ALDH1A2: variants seen among roughly 807,000 people sequenced by gnomAD.
The protein encoded by ALDH1A2 is aldehyde dehydrogenase 1 family member A2.
ALDH1A2 carries 27 observed loss-of-function variants against 60.3 expected under a neutral mutation model. That is an observed-to-expected ratio of 0.45 (90% CI 0.33 to 0.62). The LOEUF (loss-of-function observed/expected upper bound fraction) is 0.62, where lower values mean the gene tolerates loss of function less well. Ranked by LOEUF, ALDH1A2 falls within the 20% of genes least tolerant of loss-of-function variation. The pLI is 0.02. For synonymous variants in ALDH1A2, 289 were observed against 232.4 expected, an observed-to-expected ratio of 1.24 and a Z score of -2.21; for missense variants, 581 against 643.8, an observed-to-expected ratio of 0.90 and a Z score of 1.06.
chr15:58,060,068 G>A (rs555314965), intron 1 of ALDH1A2, among the ~76,000 whole-genome samples: 31 of 152,146 alleles, frequency 2.0e-4, no homozygotes, highest in Middle Eastern at 3.4e-3. Context: ...GATTACAGGC[G>A]TGTACCACCA....
chr15:58,034,836 G>A (rs544631477), intron 1 of ALDH1A2, among the ~76,000 whole-genome samples: 77 of 151,658 alleles, frequency 5.1e-4, no homozygotes, highest in African/African-American at 1.7e-3. Context: ...TGGTTATGGT[G>A]TATAATTCTT....
chr15:57,961,516 T>G (rs1893719137), intron 10 of ALDH1A2, among the ~76,000 whole-genome samples: 1 of 152,184 alleles, frequency 6.6e-6, no homozygotes, highest in African/African-American at 2.4e-5. Context: ...CCAGCATCAC[T>G]TGATTCCACT....
chr15:57,963,797 G>A, intron 9 of ALDH1A2, 88 bp downstream of exon 9: 1 of 1,396,070 alleles, frequency 7.2e-7, no homozygotes, highest in Non-Finnish European at 1.0e-6. Flanking sequence ...AAAGGAAGAT[G>A]TCGCTTTGCT....
At chr15:58,014,959 G>C (rs1895747832) in intron 1 of ALDH1A2, among the ~76,000 whole-genome samples, 1 of 152,114 alleles carries the variant, frequency 6.6e-6, no homozygotes, top group Admixed American at 6.5e-5. Flanking sequence ...ATGAAATTGA[G>C]ATTAAAATGG....
chr15:58,034,418 T>G (rs1486288361), intron 1 of ALDH1A2, among the ~76,000 whole-genome samples: 1 of 151,676 alleles, frequency 6.6e-6, no homozygotes, highest in African/African-American at 2.4e-5. Context: ...AATTATGTTA[T>G]CTGTGAAAAA....
chr15:57,986,544 G>C (rs1206174782), intron 7 of ALDH1A2, among the ~76,000 whole-genome samples: 3 of 110,142 alleles, frequency 2.7e-5, no homozygotes, highest in Non-Finnish European at 5.1e-5. Flanking sequence ...ACAATGTCCA[G>C]TATCCTTTCA....
intron 1 of ALDH1A2, among the ~76,000 whole-genome samples, chr15:58,061,929 T>A (rs1897049713): frequency 6.6e-6 from 1 of 152,158 alleles, no homozygotes; most frequent in African/African-American, 2.4e-5. Flanking sequence ...ACAAACTTTT[T>A]AATAAGACCC....
intron 1 of ALDH1A2, among the ~76,000 whole-genome samples, chr15:58,035,059 A>T (rs1297307072): frequency 1.3e-5 from 2 of 151,638 alleles, no homozygotes; most frequent in African/African-American, 4.8e-5. Flanking sequence ...TGTTTGGTAG[A>T]AGTCACCAGT....
At position 57,963,917 on chromosome 15, in the gene ALDH1A2, G is replaced by A. The variant is rs1366807212; in HGVS notation, c.1054C>T (p.Pro352Ser). Residue 352 changes from proline to serine, a missense_variant, in exon 9 of 13, where the codon CCC becomes TCC. This residue lies in a region of ALDH1A2 where 375 missense variants were observed against 469.7 expected (regional missense o/e 0.80). Coordinates refer to ENST00000249750, the MANE Select transcript of ALDH1A2 (RefSeq NM_003888.4). ...CCCTGCTCAGTGGTGGGGTCAAAGG[G>A]ACTCCCCACTACGCGCCTCTTGGCC... is the stretch of plus-strand genomic sequence containing the variant. ...ERAKRRVVGSPFDPTTEQGPQ... is the reference protein window; with the variant it reads ...ERAKRRVVGSSFDPTTEQGPQ... 1 of 1,614,116 alleles carries A rather than the reference G, an allele frequency of 6.2e-7. No homozygotes were observed. The highest frequency in any genetic ancestry group is 1.7e-5 in the Admixed American group (1 of 60,022).
intron 7 of ALDH1A2, among the ~76,000 whole-genome samples, chr15:57,976,060 G>C (rs1894245078): frequency 6.6e-6 from 1 of 152,146 alleles, no homozygotes; most frequent in Admixed American, 6.5e-5. Context: ...CAGAAATTAT[G>C]CCATATATCT....
intron 12 of ALDH1A2, among the ~76,000 whole-genome samples, chr15:57,958,393 A>T (rs1304045035): frequency 6.6e-6 from 1 of 152,206 alleles, no homozygotes; most frequent in Non-Finnish European, 1.5e-5. Context: ...GGAGTTTGAT[A>T]AGGAAGTAAG....
At chr15:57,955,877 A>G (rs1893506996) in intron 12 of ALDH1A2, among the ~76,000 whole-genome samples, 1 of 152,136 alleles carries the variant, frequency 6.6e-6, no homozygotes, top group Admixed American at 6.5e-5. Context: ...CCTTGTTTAA[A>G]TGCCTTTTTT....
At chr15:57,965,684 G>A in intron 8 of ALDH1A2, 41 bp downstream of exon 8, 2 of 1,361,680 alleles carry the variant, frequency 1.5e-6, no homozygotes, top group African/African-American at 1.4e-5. Flanking sequence ...AGCACCAAAG[G>A]GTGTGTGGTG....
chr15:57,976,209 G>A (rs1894250526), intron 7 of ALDH1A2, among the ~76,000 whole-genome samples: 1 of 152,164 alleles, frequency 6.6e-6, no homozygotes, highest in African/African-American at 2.4e-5. Context: ...CAGTTTGAAG[G>A]AGTGGCCACC....
chr15:57,962,068 T>A lies in ALDH1A2; in HGVS notation c.1195A>T (p.Ile399Phe), dbSNP rs1893741214. Reference protein sequence around the residue: ...GKGLGRKGFFIEPTVFSNVTD... With the variant: ...GKGLGRKGFFFEPTVFSNVTD... ...ACGTTGGAAAACACTGTGGGCTCAATGAAAAACCCCTTTCGGCCCAGTCCT... is the reference window on the plus strand; with the variant it reads ...ACGTTGGAAAACACTGTGGGCTCAAAGAAAAACCCCTTTCGGCCCAGTCCT... The change falls in exon 10 of 13, where the codon ATT becomes TTT. Residue 399 changes from isoleucine (I) to phenylalanine (F), a missense_variant. This residue lies in a region of ALDH1A2 where 375 missense variants were observed against 469.7 expected (regional missense o/e 0.80). Transcript: ENST00000249750. 1 of 1,614,196 alleles carries A rather than the reference T, an allele frequency of 6.2e-7. No individual in the cohort carries two copies. Among genetic ancestry groups the A allele is most frequent in the Non-Finnish European group, 8.5e-7 (1 of 1,180,026 alleles).
chr15:57,983,943 A>G (rs1894607152), intron 7 of ALDH1A2, among the ~76,000 whole-genome samples: 1 of 152,386 alleles, frequency 6.6e-6, no homozygotes, highest in African/African-American at 2.4e-5. Context: ...TAAAGAGGCT[A>G]AAGATGCAAT....
At chr15:58,043,264 C>A (rs1326535301) in intron 1 of ALDH1A2, among the ~76,000 whole-genome samples, 3 of 151,938 alleles carry the variant, frequency 2.0e-5, no homozygotes, top group African/African-American at 7.2e-5. Flanking sequence ...TTTCTGAATA[C>A]TTTTCAATAC....
At chr15:58,010,896 C>T in intron 3 of ALDH1A2, 118 bp from the exon 4 acceptor site, 1 of 1,299,288 alleles carries the variant, frequency 7.7e-7, no homozygotes, top group Non-Finnish European at 1.1e-6. Context: ...AGTTGCATAC[C>T]TGGTCAACTA....
chr15:58,046,975 C>T (rs1053610048), intron 1 of ALDH1A2, among the ~76,000 whole-genome samples: 1 of 152,022 alleles, frequency 6.6e-6, no homozygotes, highest in Non-Finnish European at 1.5e-5. Flanking sequence ...GTGAAACTTA[C>T]TAGCCATACA....
Sources: gnomAD v4.1 joint callset for allele counts (sites outside exome capture counted in the v4.1 genomes callset) on GRCh38, gnomAD v4.1.1 for gene constraint, gnomAD v4.1.1 regional missense constraint, MANE v1.5 for transcripts, NCBI Gene and HGNC (gene_info 2026-07-23, HGNC 2026-07-21) for gene names.